Variants in ARHGAP18 observed in about 807,000 individuals in gnomAD.
ARHGAP18 encodes the protein rho GTPase-activating protein 18.
In ARHGAP18, 67 loss-of-function variants were observed where a neutral mutation model predicts 86.2. That is an observed-to-expected ratio of 0.78 (90% CI 0.64 to 0.95). ARHGAP18 has a LOEUF of 0.95. ARHGAP18 is among the 40% of genes least tolerant of loss of function. The probability of loss-of-function intolerance (pLI) is 0.00; values close to 1 mark genes in which losing one functional copy is unlikely to be tolerated. For synonymous variants in ARHGAP18, 283 were observed against 280.4 expected (o/e 1.01, Z -0.09); for missense variants, 691 against 780.4 (o/e 0.89, Z 1.37).
intron 1 of ARHGAP18, among the ~76,000 whole-genome samples, chr6:129,669,526 C>T (rs182141249): frequency 0.015 from 2,307 of 150,006 alleles, 73 homozygotes; most frequent in African/African-American, 0.052. Context: ...TGGCTCATGC[C>T]TGTAATCCCA....
intron 1 of ARHGAP18, among the ~76,000 whole-genome samples, chr6:129,686,003 C>A (rs924675324): frequency 9.2e-5 from 14 of 152,036 alleles, no homozygotes; most frequent in African/African-American, 3.4e-4. Context: ...TTGCCGGGGG[C>A]GGGCGGAGGG....
At chr6:129,613,545 C>T (rs1789028330) in intron 7 of ARHGAP18, among the ~76,000 whole-genome samples, 1 of 152,132 alleles carries the variant, frequency 6.6e-6, no homozygotes, top group African/African-American at 2.4e-5. Flanking sequence ...TCATTAAGTA[C>T]ACAGGAAAAA....
chr6:129,595,040 T>C (rs149798521), intron 12 of ARHGAP18, among the ~76,000 whole-genome samples: 1 of 152,264 alleles, frequency 6.6e-6, no homozygotes, highest in Non-Finnish European at 1.5e-5. Flanking sequence ...AATTCCTATC[T>C]AGATAACCTT....
intron 12 of ARHGAP18, 41 bp from the exon 13 acceptor site, chr6:129,584,153 C>G (rs1335436280): frequency 1.9e-6 from 3 of 1,611,388 alleles, no homozygotes; most frequent in Non-Finnish European, 2.5e-6. Flanking sequence ...CTGGCAGCAG[C>G]TGGAACGTGT....
At chr6:129,700,999 TA>T (rs11461679) in intron 1 of ARHGAP18, among the ~76,000 whole-genome samples, 443 of 139,962 alleles carry the variant, frequency 3.2e-3, no homozygotes, top group Middle Eastern at 3.7e-3. Context: ...ACCCCTCCCT[TA>T]AAAAAAAAAA....
chr6:129,699,719 C>T (rs1189592390), intron 1 of ARHGAP18, among the ~76,000 whole-genome samples: 1 of 152,140 alleles, frequency 6.6e-6, no homozygotes, highest in East Asian at 1.9e-4. Context: ...CTCTATCCTC[C>T]CCTCTACTTC....
intron 1 of ARHGAP18, among the ~76,000 whole-genome samples, chr6:129,671,807 C>T (rs117875682): frequency 0.035 from 5,276 of 152,252 alleles, 148 homozygotes; most frequent in Non-Finnish European, 0.052. Context: ...ATTCTAGACA[C>T]CAGACAATTC....
At chr6:129,620,608 GT>G (rs895449239) in intron 5 of ARHGAP18, among the ~76,000 whole-genome samples, 5 of 152,190 alleles carry the variant, frequency 3.3e-5, no homozygotes, top group African/African-American at 7.2e-5. Context: ...TTCTCTTACA[GT>G]TTGGGTTTAC....
In ARHGAP18 at chr6:129,693,814, T is replaced by G. The variant is rs193201380; in HGVS notation, c.113+16210A>C. 5.6e-3 allele frequency among the ~76,000 whole-genome samples: 849 copies of G among 152,314 alleles called. 4 individuals are homozygous for G. The highest frequency in any genetic ancestry group is 0.01 in the Middle Eastern group (3 of 294). On this transcript the variant is annotated intron_variant, in intron 1 of 14. Transcript: ENST00000368149. Reference sequence around the variant, plus strand: ...ATAATAATTCTCATCTTATGAGGATTAAACAAATTCCATCTTAAAGTACTT... The same window carrying G: ...ATAATAATTCTCATCTTATGAGGATGAAACAAATTCCATCTTAAAGTACTT...
chr6:129,580,983 G>T (rs1276276241), intron 13 of ARHGAP18, among the ~76,000 whole-genome samples: 1 of 152,178 alleles, frequency 6.6e-6, no homozygotes, highest in African/African-American at 2.4e-5. Context: ...TTCTGTAAAA[G>T]AATTACCTGA....
intron 1 of ARHGAP18, among the ~76,000 whole-genome samples, chr6:129,695,193 G>C (rs1367409483): frequency 1.3e-5 from 2 of 152,004 alleles, no homozygotes; most frequent in Non-Finnish European, 2.9e-5. Context: ...CAAAGTCTCT[G>C]CATCTCTCTT....
intron 9 of ARHGAP18, among the ~76,000 whole-genome samples, chr6:129,606,529 C>T (rs1203396644): frequency 6.6e-6 from 1 of 152,072 alleles, no homozygotes; most frequent in African/African-American, 2.4e-5. Context: ...CAGCCCTTAC[C>T]CCATTTAAGT....
chr6:129,666,397 A>G (rs950044974), intron 1 of ARHGAP18, among the ~76,000 whole-genome samples: 3 of 152,228 alleles, frequency 2.0e-5, no homozygotes, highest in African/African-American at 7.2e-5. Context: ...GATTGGCTTC[A>G]GGGCTCCCTG....
intron 1 of ARHGAP18, among the ~76,000 whole-genome samples, chr6:129,642,736 A>G (rs772034694): frequency 6.6e-6 from 1 of 152,202 alleles, no homozygotes; most frequent in Non-Finnish European, 1.5e-5. Flanking sequence ...GTCAACTCTT[A>G]TACAGCAAAT....
Position 129,650,079 on chromosome 6 carries a change from A to ATT in ARHGAP18, c.114-8063_114-8062dup, listed in dbSNP as rs552437933. Reference sequence around the variant, plus strand: ...ACACATGTGCCACCACACCTGGCTAATTTTTTTTTTTTTTTTGTATTTTTA... The same window carrying ATT: ...ACACATGTGCCACCACACCTGGCTAATTTTTTTTTTTTTTTTTTGTATTTTTA... On this transcript the variant is annotated intron_variant, in intron 1 of 14. Transcript: ENST00000368149. Among the ~76,000 whole-genome samples the ATT allele has an allele frequency of 5.8e-3, 793 of 136,762 alleles. 10 individuals are homozygous for ATT. The highest frequency in any genetic ancestry group is 0.018 in the African/African-American group (654 of 37,028). 89.7% of individuals were successfully genotyped at this position (136,762 alleles called of 152,430 possible).
Position 129,588,011 on chromosome 6 carries a change from G to T in ARHGAP18, c.1714-3899C>A, listed in dbSNP as rs569102724. Among the ~76,000 whole-genome samples the T allele has an allele frequency of 5.9e-5, 9 of 152,292 alleles. No homozygotes were observed. The South Asian group carries it at 1.7e-3, about 28-fold the overall frequency. On this transcript the variant is annotated intron_variant, in intron 12 of 14. Transcript: ENST00000368149. Reference sequence around the variant, plus strand: ...AGTTAGTTACTTCCCAGATACAATGGGGGTACAGGCATTGAGCAAATGCAC... The same window carrying T: ...AGTTAGTTACTTCCCAGATACAATGTGGGTACAGGCATTGAGCAAATGCAC...
intron 9 of ARHGAP18, among the ~76,000 whole-genome samples, chr6:129,607,124 T>C (rs948142554): frequency 6.6e-6 from 1 of 152,140 alleles, no homozygotes; most frequent in Non-Finnish European, 1.5e-5. Flanking sequence ...CCTCCCAAAG[T>C]GCTGGGAGCT....
chr6:129,655,264 A>C (rs1773802193), intron 1 of ARHGAP18, among the ~76,000 whole-genome samples: 2 of 140,836 alleles, frequency 1.4e-5, no homozygotes, highest in South Asian at 4.7e-4. Context: ...GGTTGCGGTG[A>C]GCTGAGATCA....
At chr6:129,706,305 G>C (rs1774801325) in intron 1 of ARHGAP18, among the ~76,000 whole-genome samples, 1 of 152,078 alleles carries the variant, frequency 6.6e-6, no homozygotes, top group Non-Finnish European at 1.5e-5. Context: ...CTCATAAAAA[G>C]TGGTTTCCTT....
Sources: allele counts gnomAD v4.1 joint callset (sites outside exome capture counted in the v4.1 genomes callset), GRCh38; gene constraint gnomAD v4.1.1; transcripts MANE v1.5; gene names NCBI Gene and HGNC (gene_info 2026-07-23, HGNC 2026-07-21).